The following CUBN variants were observed in gnomAD, a reference collection of about 807,000 sequenced individuals.
CUBN encodes the protein 460 kDa receptor.
A neutral mutation model predicts 405.3 loss-of-function variants in CUBN; 282 were observed. The observed-to-expected ratio is 0.70, with a 90% confidence interval of 0.63 to 0.77. The LOEUF is 0.77. CUBN is among the 30% of genes least tolerant of loss of function. The probability of loss-of-function intolerance (pLI) is 0.00; values close to 1 mark genes in which losing one functional copy is unlikely to be tolerated. For missense variants in CUBN, 4,514 were observed against 4,475.2 expected (o/e 1.01, Z -0.25); for synonymous variants, 1,684 against 1,617.0 (o/e 1.04, Z -0.99).
intron 66 of CUBN, among the ~76,000 whole-genome samples, chr10:16,828,152 C>G (rs535234222): frequency 6.6e-6 from 1 of 150,410 alleles, no homozygotes; most frequent in East Asian, 2.0e-4. Flanking sequence ...AGTGCACTGA[C>G]GTCACAGAGG....
At chr10:16,889,867 G>A (rs189860988) in intron 55 of CUBN, among the ~76,000 whole-genome samples, 123 of 149,320 alleles carry the variant, frequency 8.2e-4, no homozygotes, top group African/African-American at 2.9e-3. Context: ...AACCCAGGAC[G>A]TGGAGGGTGC....
intron 25 of CUBN, among the ~76,000 whole-genome samples, 186 bp from the exon 26 acceptor site, chr10:17,044,169 A>T (rs1057122674): frequency 6.8e-6 from 1 of 146,940 alleles, no homozygotes; most frequent in Admixed American, 6.8e-5. Context: ...TTATAAAATA[A>T]ATTTATTTAA....
At chr10:16,928,091 G>C in intron 41 of CUBN, 66 bp downstream of exon 41, 1 of 1,550,956 alleles carries the variant, frequency 6.4e-7, no homozygotes, top group Non-Finnish European at 8.9e-7. Context: ...ATTAGGAAGA[G>C]AGAAAGAGAG....
chr10:17,064,528 A>G (rs961644043), intron 22 of CUBN, among the ~76,000 whole-genome samples: 2 of 152,180 alleles, frequency 1.3e-5, no homozygotes, highest in Admixed American at 6.5e-5. Context: ...GGTAATCCCA[A>G]AGCGGAGAAA....
At chr10:17,029,867 G>A (rs1199731795) in intron 27 of CUBN, among the ~76,000 whole-genome samples, 1 of 152,230 alleles carries the variant, frequency 6.6e-6, no homozygotes, top group Non-Finnish European at 1.5e-5. Flanking sequence ...TGGGAGGCAG[G>A]AGAAGCAGCA....
At position 16,998,867 on chromosome 10, in the gene CUBN, C is replaced by G. The variant is rs540753821; in HGVS notation, c.4169-8352G>C. Among the ~76,000 whole-genome samples, 96 of 152,278 alleles carry G rather than the reference C, an allele frequency of 6.3e-4. 1 individual carries two copies. Among genetic ancestry groups the G allele is most frequent in the Non-Finnish European group, 2.1e-4 (14 of 68,026 alleles). On this transcript the variant is annotated intron_variant, in intron 28 of 66. Coordinates refer to ENST00000377833, the MANE Select transcript of CUBN (RefSeq NM_001081.4). ...GGAAGAAACAGGTAAACCCAAGAAC[C>G]AGGGAGTTAAGTCATAACGATTTTT...
intron 30 of CUBN, among the ~76,000 whole-genome samples, chr10:16,983,272 C>CTG (rs372547135): frequency 3.2e-4 from 48 of 150,930 alleles, no homozygotes; most frequent in South Asian, 1.9e-3. Context: ...ATGTGTGTGT[C>CTG]TGTGTGTGTG....
At chr10:16,961,278 C>T (rs1843209615) in intron 31 of CUBN, among the ~76,000 whole-genome samples, 1 of 151,982 alleles carries the variant, frequency 6.6e-6, no homozygotes, top group Non-Finnish European at 1.5e-5. Context: ...TGCTGTATTG[C>T]CTAGTGTGGA....
At chr10:16,945,946 G>C (rs1377020194) in intron 36 of CUBN, among the ~76,000 whole-genome samples, 1 of 152,032 alleles carries the variant, frequency 6.6e-6, no homozygotes, top group African/African-American at 2.4e-5. Context: ...GTTTGAACTT[G>C]GTCCACAAAT....
intron 20 of CUBN, 118 bp from the exon 21 acceptor site, chr10:17,068,398 C>A: frequency 9.0e-7 from 1 of 1,107,140 alleles, no homozygotes; most frequent in Non-Finnish European, 1.3e-6. Context: ...TCTTAGTTGC[C>A]ACTTAAGATA....
intron 28 of CUBN, among the ~76,000 whole-genome samples, chr10:17,001,208 G>C (rs1031695634): frequency 6.6e-6 from 1 of 152,198 alleles, no homozygotes; most frequent in African/African-American, 2.4e-5. Context: ...GCTCATAAAC[G>C]TAGTGCGGAC....
chr10:16,883,255 T>TA (rs1239129915), intron 56 of CUBN, among the ~76,000 whole-genome samples: 2 of 152,166 alleles, frequency 1.3e-5, no homozygotes, highest in Non-Finnish European at 2.9e-5. Context: ...AAGCATGTAC[T>TA]AGTATACAGC....
In CUBN at chr10:16,915,809, TATTTTACTAA is replaced by T; in HGVS notation, c.7210+2_7210+11del. ...ATAAACACCCAAAAGAGAGCAGATA[TATTTTACTAA>T]CCAGAGGTATGATTGTCCCAGATCT... On this transcript the variant is annotated splice_donor_variant and splice_donor_5th_base_variant and intron_variant, in intron 46 of 66. Transcript: ENST00000377833. LOFTEE classifies it high-confidence loss of function. The T allele has an allele frequency of 6.2e-7, 1 of 1,603,854 alleles. No individual in the cohort carries two copies. The highest frequency in any genetic ancestry group is 1.1e-5 in the South Asian group (1 of 90,844).
chr10:17,008,843 G>C (rs1301383259), intron 28 of CUBN, among the ~76,000 whole-genome samples: 4 of 152,148 alleles, frequency 2.6e-5, no homozygotes, highest in Non-Finnish European at 5.9e-5. Context: ...AACCAGGCCT[G>C]CTGGTCTGAG....
At chr10:17,110,809 A>G in intron 9 of CUBN, 110 bp downstream of exon 9, 1 of 1,509,502 alleles carries the variant, frequency 6.6e-7, no homozygotes, top group Non-Finnish European at 9.2e-7. Flanking sequence ...AGGCATGAGC[A>G]ACTGCACTCA....
chr10:17,093,325 G>A (rs1240949551), intron 14 of CUBN, among the ~76,000 whole-genome samples: 1 of 152,162 alleles, frequency 6.6e-6, no homozygotes, highest in East Asian at 1.9e-4. Flanking sequence ...AAGAATTGAA[G>A]AGAGACTGCA....
At position 16,876,901 on chromosome 10, in the gene CUBN, T is replaced by C; in HGVS notation, c.9102A>G (p.Ile3034Met). The C allele has an allele frequency of 6.2e-7, 1 of 1,613,764 alleles. No homozygotes were observed. The highest frequency in any genetic ancestry group is 2.2e-5 in the East Asian group (1 of 44,872). The change falls in exon 57 of 67, where the codon ATA becomes ATG. Residue 3034 changes from isoleucine (I) to methionine (M), a missense_variant. This residue lies in a region of CUBN where 1,186 missense variants were observed against 1,186.9 expected (regional missense o/e 1.00). Transcript: ENST00000377833. ...TCTGTCATTATGGCTACTCACAGAT[T>C]ATCCTATAGGAAAACTTGAATCCGA... ...TDFGFKFSYR[I>M]ISCGGVFNFS...
chr10:17,097,027 G>C (rs143134400), intron 14 of CUBN, among the ~76,000 whole-genome samples: 35 of 152,106 alleles, frequency 2.3e-4, no homozygotes, highest in Non-Finnish European at 3.8e-4. Context: ...TCCAAGTCAA[G>C]AAGCTAGGAA....
At chr10:16,974,429 CT>C (rs201061697) in intron 31 of CUBN, among the ~76,000 whole-genome samples, 349 of 146,062 alleles carry the variant, frequency 2.4e-3, no homozygotes, top group Middle Eastern at 7.1e-3. Context: ...ACAATTAACT[CT>C]TTTTTTTTTT....
Sources: gnomAD v4.1 joint callset for allele counts (sites outside exome capture counted in the v4.1 genomes callset) on GRCh38, gnomAD v4.1.1 for gene constraint, gnomAD v4.1.1 regional missense constraint, MANE v1.5 for transcripts, NCBI Gene and HGNC (gene_info 2026-07-23, HGNC 2026-07-21) for gene names.